Variants in TBC1D4 observed in about 807,000 individuals in gnomAD.
TBC1D4 encodes the protein TBC1 domain family member 4, also known as TBC (Tre-2, BUB2, CDC16) domain-containing protein.
Under a neutral mutation model 142.5 loss-of-function variants are expected in TBC1D4, and 121 were observed. That is an observed-to-expected ratio of 0.85 (90% CI 0.73 to 0.99). TBC1D4 has a LOEUF of 0.99. Among genes scored for constraint, TBC1D4 ranks in the 50% least tolerant of loss-of-function variants. The pLI, the probability that TBC1D4 is intolerant of heterozygous loss-of-function variation, is 0.00. For missense variants in TBC1D4, 1,475 were observed against 1,606.6 expected (o/e 0.92, Z 1.40); for synonymous variants, 630 against 628.2 (o/e 1.00, Z -0.04).
rs774445950 is a variant in TBC1D4 at position 75,356,139 on chromosome 13, C to G, written c.1275+8G>C. On this transcript the variant is annotated splice_region_variant and intron_variant, in intron 4 of 20. Coordinates refer to ENST00000377636, the MANE Select transcript of TBC1D4 (RefSeq NM_014832.5). ...CAGGAGCAGGCAGACAGCAATAACA[C>G]TACTTACCAGAGATTCGCTGGCACA... 26 of 1,607,286 alleles carry G rather than the reference C, an allele frequency of 1.6e-5. No individual in the cohort carries two copies. The highest frequency in any genetic ancestry group is 2.0e-5 in the Non-Finnish European group (24 of 1,174,414).
chr13:75,363,898 A>G (rs1882736224), intron 1 of TBC1D4, among the ~76,000 whole-genome samples: 1 of 152,238 alleles, frequency 6.6e-6, no homozygotes, highest in Non-Finnish European at 1.5e-5. Context: ...TCAGTTTAAA[A>G]GTTTATTTTG....
Position 75,362,383 on chromosome 13 carries a change from C to T in TBC1D4, c.723G>A (p.Gly241=), listed in dbSNP as rs7983969. 1.9e-6 allele frequency: 3 copies of T among 1,614,244 alleles called. No homozygotes were observed. Among genetic ancestry groups the T allele is most frequent in the East Asian group, 4.5e-5 (2 of 44,870 alleles). Residue 241 remains glycine, a synonymous_variant, in exon 2 of 21, where the codon GGG becomes GGA. Transcript: ENST00000377636. The surrounding 1 kb of genome is among the most constrained non-coding windows in gnomAD (Gnocchi z 4.2). ...LHEQQRLKIQ[G]EQRGPDPGED... is the part of the protein sequence containing the mutation. ...CTCCTGGGTCCGGACCGCGCTGCTC[C>T]CCTTGGATCTTCAGGCGCTGCTGTT... is the stretch of plus-strand genomic sequence containing the variant.
At chr13:75,447,347 T>C (rs1391398953) in intron 1 of TBC1D4, among the ~76,000 whole-genome samples, 2 of 152,318 alleles carry the variant, frequency 1.3e-5, no homozygotes, top group South Asian at 2.1e-4. Context: ...CATTACATAC[T>C]TGTAAGCCCT....
At chr13:75,297,116 C>T (rs890948407) in intron 17 of TBC1D4, among the ~76,000 whole-genome samples, 3 of 152,220 alleles carry the variant, frequency 2.0e-5, no homozygotes, top group African/African-American at 7.2e-5. Flanking sequence ...GTCCCCAATA[C>T]TGCGGCCTAC....
At chr13:75,452,398 C>T (rs979450319) in intron 1 of TBC1D4, among the ~76,000 whole-genome samples, 1 of 151,972 alleles carries the variant, frequency 6.6e-6, no homozygotes, top group Admixed American at 6.6e-5. Flanking sequence ...AAACTATGAG[C>T]GTATATATAA....
In TBC1D4 at chr13:75,362,190, A is replaced by C. The variant is rs1292237160; in HGVS notation, c.916T>G (p.Phe306Val). The change falls in exon 2 of 21, where the codon TTT (phenylalanine) becomes GTT (valine). Residue 306 changes from phenylalanine (F) to valine (V), a missense_variant. This residue lies in a region of TBC1D4 where 1,227 missense variants were observed against 1,267.7 expected (regional missense o/e 0.97). Transcript: ENST00000377636. The surrounding 1 kb of genome is among the most constrained non-coding windows in gnomAD (Gnocchi z 4.2). ...FPERILEDSGFDEQQEFRSRC... is the reference protein window; with the variant it reads ...FPERILEDSGVDEQQEFRSRC... ...GACCGAAACTCCTGCTGCTCATCAAAGCCAGAATCTTCCAAAATCCGCTCA... is the reference window on the plus strand; with the variant it reads ...GACCGAAACTCCTGCTGCTCATCAACGCCAGAATCTTCCAAAATCCGCTCA... 1.2e-6 allele frequency: 2 copies of C among 1,613,652 alleles called. No individual in the cohort carries two copies. The highest frequency in any genetic ancestry group is 1.7e-6 in the Non-Finnish European group (2 of 1,179,988).
At chr13:75,449,535 A>AC (rs1407741834) in intron 1 of TBC1D4, among the ~76,000 whole-genome samples, 1 of 23,920 alleles carries the variant, frequency 4.2e-5, no homozygotes, top group Non-Finnish European at 1.3e-4. Context: ...AAACTGCAAC[A>AC]CACACACACA....
chr13:75,297,793 C>G (rs12584691), intron 17 of TBC1D4, among the ~76,000 whole-genome samples: 1,899 of 150,250 alleles, frequency 0.013, 55 homozygotes, highest in East Asian at 0.13. Context: ...TAAAAAGATA[C>G]AGGTAAACTC....
chr13:75,349,348 G>GGCAACAT, intron 4 of TBC1D4, 46 bp from the exon 5 acceptor site: 1 of 1,611,020 alleles, frequency 6.2e-7, no homozygotes, highest in Non-Finnish European at 8.5e-7. Context: ...TGGCTTACAT[G>GGCAACAT]GCAACATTCA....
At chr13:75,473,178 T>A (rs1888488762) in intron 1 of TBC1D4, among the ~76,000 whole-genome samples, 1 of 152,100 alleles carries the variant, frequency 6.6e-6, no homozygotes. Context: ...TTGCTATTTT[T>A]TTAGAAGAGA....
intron 15 of TBC1D4, among the ~76,000 whole-genome samples, chr13:75,305,429 A>G (rs1329244291): frequency 6.6e-6 from 1 of 152,252 alleles, no homozygotes; most frequent in Non-Finnish European, 1.5e-5. Context: ...TACATCTCAT[A>G]GACATTCTGT....
At chr13:75,395,208 A>G (rs75734876) in intron 1 of TBC1D4, among the ~76,000 whole-genome samples, 10 of 152,366 alleles carry the variant, frequency 6.6e-5, no homozygotes, top group African/African-American at 2.4e-4. Context: ...ACTACTCAAC[A>G]GTGGATAAGG....
At chr13:75,297,035 C>T (rs1199397988) in intron 17 of TBC1D4, among the ~76,000 whole-genome samples, 2 of 152,136 alleles carry the variant, frequency 1.3e-5, no homozygotes, top group East Asian at 3.9e-4. Context: ...AACAGTACCT[C>T]CTGCTCTAGA....
intron 1 of TBC1D4, among the ~76,000 whole-genome samples, chr13:75,462,492 T>C (rs1320930081): frequency 6.6e-6 from 1 of 151,048 alleles, no homozygotes; most frequent in Non-Finnish European, 1.5e-5. Context: ...CAGGACTAAA[T>C]GTTCTTCCAG....
chr13:75,444,300 A>C (rs1182463434), intron 1 of TBC1D4, among the ~76,000 whole-genome samples: 1 of 152,028 alleles, frequency 6.6e-6, no homozygotes. Flanking sequence ...TGCTCGGCTC[A>C]TTGAGGTATT....
intron 1 of TBC1D4, among the ~76,000 whole-genome samples, chr13:75,475,754 GC>G (rs1388973780): frequency 6.6e-6 from 1 of 152,150 alleles, no homozygotes; most frequent in Non-Finnish European, 1.5e-5. Flanking sequence ...TATTTCTCAG[GC>G]TGTAAATCAA....
At chr13:75,292,818 C>A (rs1374774962) in intron 18 of TBC1D4, among the ~76,000 whole-genome samples, 3 of 152,020 alleles carry the variant, frequency 2.0e-5, no homozygotes, top group African/African-American at 4.8e-5. Flanking sequence ...TAACTCTAAG[C>A]CCTGCTTTCC....
At chr13:75,412,052 A>AGT (rs1885695305) in intron 1 of TBC1D4, among the ~76,000 whole-genome samples, 1 of 152,204 alleles carries the variant, frequency 6.6e-6, no homozygotes, top group Non-Finnish European at 1.5e-5. Context: ...TAGGGACAGC[A>AGT]GTGTTCGCAT....
At chr13:75,360,909 T>A (rs1489688179) in intron 2 of TBC1D4, among the ~76,000 whole-genome samples, 1 of 152,192 alleles carries the variant, frequency 6.6e-6, no homozygotes, top group Non-Finnish European at 1.5e-5. Context: ...ACTTCTGATA[T>A]TACACACCGG....
Sources: gnomAD v4.1 joint callset for allele counts (sites outside exome capture counted in the v4.1 genomes callset) on GRCh38, gnomAD v4.1.1 for gene constraint, gnomAD v4.1.1 regional missense constraint, Gnocchi (gnomAD v3.1) non-coding constraint, MANE v1.5 for transcripts, NCBI Gene and HGNC (gene_info 2026-07-23, HGNC 2026-07-21) for gene names.